CENPW: variants seen among roughly 807,000 people sequenced by gnomAD.
CENPW encodes the protein centromere protein W.
Under a neutral mutation model 11.1 loss-of-function variants are expected in CENPW, and 3 were observed. That is an observed-to-expected ratio of 0.27 (90% CI 0.12 to 0.70). The LOEUF is 0.70. Among genes scored for constraint, CENPW ranks in the 30% least tolerant of loss-of-function variants. The pLI is 0.77. For missense variants in CENPW, 100 were observed against 105.6 expected (o/e 0.95, Z 0.23); for synonymous variants, 38 against 42.0 (o/e 0.91, Z 0.37).
At chr6:126,432,820 A>G in the CENPW span, among the ~76,000 whole-genome samples, 1 of 152,136 alleles carries the variant, frequency 6.6e-6, no homozygotes, top group Non-Finnish European at 1.5e-5. Context: ...CACTATGACA[A>G]TCTCTCTCTC....
the CENPW span, among the ~76,000 whole-genome samples, chr6:126,368,200 G>A: frequency 1.4e-4 from 21 of 152,306 alleles, no homozygotes; most frequent in South Asian, 4.4e-3. Context: ...TCCGCACTGG[G>A]GGAATAAAAT....
the CENPW span, among the ~76,000 whole-genome samples, chr6:126,405,661 G>A: frequency 1.3e-5 from 2 of 151,906 alleles, no homozygotes; most frequent in Non-Finnish European, 2.9e-5. Flanking sequence ...ATTTATGTGT[G>A]TCTGCTTCAA....
the CENPW span, among the ~76,000 whole-genome samples, chr6:126,377,991 A>G: frequency 2.6e-5 from 4 of 152,200 alleles, no homozygotes; most frequent in African/African-American, 9.6e-5. Context: ...GAACTCTTTC[A>G]AAGTGGGGAA....
the CENPW span, among the ~76,000 whole-genome samples, chr6:126,440,760 G>A: frequency 6.6e-6 from 1 of 151,428 alleles, no homozygotes; most frequent in Non-Finnish European, 1.5e-5. Context: ...AGATAAATTA[G>A]ATTATATGGC....
chr6:126,437,018 CT>C, the CENPW span, among the ~76,000 whole-genome samples: 336 of 144,110 alleles, frequency 2.3e-3, no homozygotes, highest in African/African-American at 3.3e-3. Context: ...GGCATTGAAG[CT>C]TTTTTTTTTT....
At chr6:126,357,932 T>A in the CENPW span, among the ~76,000 whole-genome samples, 7 of 152,294 alleles carry the variant, frequency 4.6e-5, no homozygotes, top group South Asian at 1.5e-3. Flanking sequence ...ATCTTTCACC[T>A]CTTTGGTTAG....
chr6:126,397,521 A>AT, the CENPW span, among the ~76,000 whole-genome samples: 1 of 152,074 alleles, frequency 6.6e-6, no homozygotes, highest in Non-Finnish European at 1.5e-5. Flanking sequence ...ACAAAACCAG[A>AT]TATTATGATT....
chr6:126,460,579 T>C, the CENPW span, among the ~76,000 whole-genome samples: 1 of 151,758 alleles, frequency 6.6e-6, no homozygotes, highest in East Asian at 1.9e-4. Context: ...TATTACAGTG[T>C]ATTGGTTTGT....
At chr6:126,408,078 T>C in the CENPW span, among the ~76,000 whole-genome samples, 1 of 152,116 alleles carries the variant, frequency 6.6e-6, no homozygotes, top group Non-Finnish European at 1.5e-5. Context: ...TAACAAGCAA[T>C]AGGGAAAGGA....
chr6:126,408,766 T>C, the CENPW span, among the ~76,000 whole-genome samples: 1,013 of 152,284 alleles, frequency 6.7e-3, 52 homozygotes, highest in Admixed American at 0.063. Flanking sequence ...TTTTGTTGTA[T>C]GGTTATTCAT....
At chr6:126,372,178 A>C in the CENPW span, among the ~76,000 whole-genome samples, 1 of 152,086 alleles carries the variant, frequency 6.6e-6, no homozygotes, top group Non-Finnish European at 1.5e-5. Context: ...GTGACCTTAA[A>C]TGGACATTTT....
chr6:126,418,676 A>T, the CENPW span, among the ~76,000 whole-genome samples: 1 of 152,054 alleles, frequency 6.6e-6, no homozygotes, highest in African/African-American at 2.4e-5. Context: ...TGGCAACTCC[A>T]TCATCATTCT....
At chr6:126,477,064 A>G in the CENPW span, among the ~76,000 whole-genome samples, 1 of 152,012 alleles carries the variant, frequency 6.6e-6, no homozygotes, top group East Asian at 1.9e-4. Context: ...ATATTACCAC[A>G]TTCAAAACAT....
the CENPW span, among the ~76,000 whole-genome samples, chr6:126,374,959 T>C: frequency 3.9e-5 from 6 of 152,218 alleles, no homozygotes; most frequent in Admixed American, 6.5e-5. Flanking sequence ...TTCTACAAGA[T>C]ACCCCTAAAT....
At chr6:126,428,962 T>C in the CENPW span, among the ~76,000 whole-genome samples, 2 of 152,212 alleles carry the variant, frequency 1.3e-5, no homozygotes, top group African/African-American at 4.8e-5. Flanking sequence ...GTATATAGAC[T>C]TCATTTTTTT....
At chr6:126,349,024 C>T (rs1172348679), downstream of CENPW, 1 of 151,962 alleles carries the variant, frequency 6.6e-6, no homozygotes, top group Non-Finnish European at 1.5e-5. Flanking sequence ...TTTTCAAAAC[C>T]TATCTCCCTC....
chr6:126,347,531 A>G (rs771273934), intron 2 of CENPW, among the ~76,000 whole-genome samples: 2 of 152,158 alleles, frequency 1.3e-5, no homozygotes, highest in Non-Finnish European at 2.9e-5. Context: ...TGAAGTACCC[A>G]TGATAATTAT....
the CENPW span, among the ~76,000 whole-genome samples, chr6:126,454,050 A>G: frequency 6.6e-6 from 1 of 151,488 alleles, no homozygotes; most frequent in African/African-American, 2.4e-5. Flanking sequence ...GCATGAGCAC[A>G]GGAGCATCTA....
chr6:126,396,556 G>C, the CENPW span, among the ~76,000 whole-genome samples: 49 of 152,110 alleles, frequency 3.2e-4, no homozygotes, highest in Non-Finnish European at 6.2e-4. Context: ...CTGTGATCAA[G>C]GTGGTACCTA....
Sources: gnomAD v4.1 joint callset for allele counts (sites outside exome capture counted in the v4.1 genomes callset) on GRCh38, gnomAD v4.1.1 for gene constraint, MANE v1.5 for transcripts, NCBI Gene and HGNC (gene_info 2026-07-23, HGNC 2026-07-21) for gene names.